Variants in KGD4 observed in about 807,000 individuals in gnomAD.
The protein encoded by KGD4 is alpha-ketoglutarate dehydrogenase subunit 4.
the KGD4 span, among the ~76,000 whole-genome samples, chr5:69,218,470 A>AGTG: frequency 6.7e-6 from 1 of 148,524 alleles, no homozygotes; most frequent in South Asian, 2.1e-4. Flanking sequence ...GTGTATATTA[A>AGTG]TGTGTGTGTG....
chr5:69,220,391 C>G, the KGD4 span, among the ~76,000 whole-genome samples: 1 of 151,992 alleles, frequency 6.6e-6, no homozygotes, highest in Non-Finnish European at 1.5e-5. Context: ...CACGGTGGCT[C>G]ACACCTGTAC....
the KGD4 span, among the ~76,000 whole-genome samples, chr5:69,224,660 AG>A: frequency 6.6e-6 from 1 of 152,144 alleles, no homozygotes; most frequent in African/African-American, 2.4e-5. Flanking sequence ...TGGGAGGCTA[AG>A]GCAAGAAGAT....
At chr5:69,223,217 T>C in the KGD4 span, among the ~76,000 whole-genome samples, 3 of 151,214 alleles carry the variant, frequency 2.0e-5, no homozygotes, top group East Asian at 5.9e-4. Flanking sequence ...TACCTGGGAC[T>C]ACAGGTGTGT....
chr5:69,226,422 A>G, the KGD4 span: 2 of 1,502,370 alleles, frequency 1.3e-6, no homozygotes, highest in South Asian at 2.4e-5. Flanking sequence ...TTTTATTTAA[A>G]TTTCTTTTAA....
At chr5:69,229,609 G>T in the KGD4 span, 27 of 162,754 alleles carry the variant, frequency 1.7e-4, no homozygotes, top group Non-Finnish European at 2.9e-4. Context: ...AGTCAGAATT[G>T]CTGTTTTAGG....
At chr5:69,228,095 G>T in the KGD4 span, 1 of 858,912 alleles carries the variant, frequency 1.2e-6, no homozygotes, top group South Asian at 2.4e-5. Flanking sequence ...TTTGAAGAAT[G>T]ACTTCATTTC....
the KGD4 span, among the ~76,000 whole-genome samples, chr5:69,225,827 C>T: frequency 2.6e-5 from 4 of 152,172 alleles, no homozygotes; most frequent in African/African-American, 7.2e-5. Flanking sequence ...GATCCGTCCG[C>T]CTCGGCCTCC....
chr5:69,228,117 G>T, the KGD4 span: 1 of 1,044,516 alleles, frequency 9.6e-7, no homozygotes, highest in South Asian at 2.1e-5. Context: ...AGAATGACTT[G>T]ATTATTTGAT....
At chr5:69,217,904 G>A in the KGD4 span, 1 of 1,614,104 alleles carries the variant, frequency 6.2e-7, no homozygotes, top group East Asian at 2.2e-5. Flanking sequence ...CGCATCTTGG[G>A]CGGTAGGGAC....
At chr5:69,218,356 T>C in the KGD4 span, among the ~76,000 whole-genome samples, 1 of 152,228 alleles carries the variant, frequency 6.6e-6, no homozygotes, top group Non-Finnish European at 1.5e-5. Flanking sequence ...CCCCGCGTAC[T>C]GCGTCCTCGC....
chr5:69,220,218 C>A, the KGD4 span, among the ~76,000 whole-genome samples: 65 of 151,380 alleles, frequency 4.3e-4, no homozygotes, highest in Non-Finnish European at 1.2e-4. Context: ...TAGAGCTAGA[C>A]CCTGACTCAA....
chr5:69,222,296 A>G, the KGD4 span, among the ~76,000 whole-genome samples: 2 of 152,132 alleles, frequency 1.3e-5, no homozygotes, highest in African/African-American at 4.8e-5. Context: ...GAGCTGTTGT[A>G]AAGGATAAGC....
At chr5:69,223,795 T>C in the KGD4 span, among the ~76,000 whole-genome samples, 211 of 151,696 alleles carry the variant, frequency 1.4e-3, no homozygotes, top group African/African-American at 4.9e-3. Context: ...GCATGGTGGC[T>C]CACGCCTGTA....
the KGD4 span, chr5:69,217,913 A>G: frequency 6.2e-7 from 1 of 1,613,710 alleles, no homozygotes; most frequent in Non-Finnish European, 8.5e-7. Context: ...GGCGGTAGGG[A>G]CGGTGCTGAC....
At chr5:69,222,642 C>T in the KGD4 span, among the ~76,000 whole-genome samples, 2 of 152,130 alleles carry the variant, frequency 1.3e-5, no homozygotes, top group African/African-American at 4.8e-5. Context: ...CTCCTGGGCT[C>T]AAGCCGTCTT....
chr5:69,223,603 A>G, the KGD4 span, among the ~76,000 whole-genome samples: 2 of 152,170 alleles, frequency 1.3e-5, no homozygotes, highest in African/African-American at 2.4e-5. Flanking sequence ...CAATTTATAG[A>G]TTAGTTGAAA....
the KGD4 span, among the ~76,000 whole-genome samples, chr5:69,223,862 G>C: frequency 2.0e-5 from 3 of 150,480 alleles, no homozygotes; most frequent in Non-Finnish European, 3.0e-5. Flanking sequence ...GTGAAACCCT[G>C]TCTCTACTAA....
chr5:69,221,577 C>G, the KGD4 span, among the ~76,000 whole-genome samples: 1 of 152,170 alleles, frequency 6.6e-6, no homozygotes, highest in Non-Finnish European at 1.5e-5. Context: ...GGATATCCAT[C>G]TAGACACAGA....
chr5:69,220,580 C>T, the KGD4 span, among the ~76,000 whole-genome samples: 37 of 151,122 alleles, frequency 2.4e-4, no homozygotes, highest in African/African-American at 7.8e-4. Flanking sequence ...CGCCTCTGCC[C>T]GGCCGCCACC....
Sources: gnomAD v4.1 joint callset for allele counts (sites outside exome capture counted in the v4.1 genomes callset) on GRCh38, gnomAD v4.1.1 for gene constraint, MANE v1.5 for transcripts, NCBI Gene and HGNC (gene_info 2026-07-23, HGNC 2026-07-21) for gene names.